HDAC9: variants seen among roughly 807,000 people sequenced by gnomAD.
HDAC9 encodes MEF-2 interacting transcription repressor (MITR) protein.
Under a neutral mutation model 139.4 loss-of-function variants are expected in HDAC9, and 41 were observed. The ratio of observed to expected loss-of-function variants is 0.29; its 90% CI spans 0.23 to 0.38. The LOEUF is 0.38. HDAC9 is among the 10% of genes least tolerant of loss of function. The pLI, the probability that HDAC9 is intolerant of heterozygous loss-of-function variation, is 1.00. For synonymous variants in HDAC9, 517 were observed against 476.2 expected (o/e 1.09, Z -1.12); for missense variants, 1,147 against 1,297.0 (o/e 0.88, Z 1.78).
At chr7:18,307,980 A>G (rs1410431639) in intron 1 of HDAC9, among the ~76,000 whole-genome samples, 1 of 152,242 alleles carries the variant, frequency 6.6e-6, no homozygotes, top group Non-Finnish European at 1.5e-5. Context: ...TTTCCAGGAA[A>G]TGAAAATACT....
At chr7:18,281,057 T>C (rs1797073549) in intron 2 of HDAC9, among the ~76,000 whole-genome samples, 1 of 152,174 alleles carries the variant, frequency 6.6e-6, no homozygotes, top group South Asian at 2.1e-4. Context: ...CCTTGACACT[T>C]TACTTTTGGG....
chr7:18,855,927 T>C (rs1797641628), intron 21 of HDAC9, among the ~76,000 whole-genome samples: 2 of 152,068 alleles, frequency 1.3e-5, no homozygotes, highest in Non-Finnish European at 2.9e-5. Context: ...AGGAGCAAAA[T>C]AATTGTAAGC....
intron 1 of HDAC9, among the ~76,000 whole-genome samples, chr7:18,088,775 A>C (rs1781957588): frequency 6.6e-6 from 1 of 152,218 alleles, no homozygotes; most frequent in Non-Finnish European, 1.5e-5. Context: ...GGACCAATTT[A>C]ATTCCCCAAA....
chr7:18,957,133 A>G (rs963075040), intron 24 of HDAC9, among the ~76,000 whole-genome samples: 2 of 152,176 alleles, frequency 1.3e-5, no homozygotes, highest in African/African-American at 4.8e-5. Context: ...GTAAAAGGAA[A>G]GAAAACACAA....
At chr7:18,731,823 T>A (rs1252420707) in intron 13 of HDAC9, among the ~76,000 whole-genome samples, 1 of 151,918 alleles carries the variant, frequency 6.6e-6, no homozygotes, top group African/African-American at 2.4e-5. Flanking sequence ...ACGGGGTTTC[T>A]CCATGTTGGT....
intron 23 of HDAC9, among the ~76,000 whole-genome samples, chr7:18,946,036 C>CAAAATAAAAAAA (rs1563077235): frequency 2.6e-4 from 10 of 38,278 alleles, no homozygotes; most frequent in South Asian, 1.9e-3. Flanking sequence ...GACTCCGTCT[C>CAAAATAAAAAAA]AAAAAAAAAA....
Position 18,958,782 on chromosome 7 carries a change from T to A in HDAC9, c.3022+4552T>A, listed in dbSNP as rs569969708. 2.0e-5 allele frequency among the ~76,000 whole-genome samples: 3 copies of A among 152,270 alleles called. No homozygotes were observed. In the South Asian group the frequency reaches 6.2e-4, roughly 32 times the overall value. On this transcript the variant is annotated intron_variant, in intron 24 of 25. Coordinates refer to ENST00000686413, the MANE Select transcript of HDAC9 (RefSeq NM_178425.4). ...CACATATTTATACTCCTTGGCACAC[T>A]CATGCAGAATGAGGGATTAAGAAGA...
chr7:18,784,671 A>G (rs1791543684), intron 16 of HDAC9, among the ~76,000 whole-genome samples: 1 of 152,024 alleles, frequency 6.6e-6, no homozygotes, highest in Admixed American at 6.6e-5. Flanking sequence ...CTTAACTCAC[A>G]GTGGAATAAA....
At chr7:18,134,260 C>G (rs907462979) in intron 1 of HDAC9, among the ~76,000 whole-genome samples, 1 of 152,054 alleles carries the variant, frequency 6.6e-6, no homozygotes, top group African/African-American at 2.4e-5. Flanking sequence ...CAAGTATATA[C>G]CTGCTTTATT....
At chr7:18,615,923 T>G (rs1838453636) in intron 6 of HDAC9, among the ~76,000 whole-genome samples, 1 of 152,232 alleles carries the variant, frequency 6.6e-6, no homozygotes, top group Admixed American at 6.5e-5. Context: ...CAAAATGGCT[T>G]TGCCTGGGCT....
intron 1 of HDAC9, among the ~76,000 whole-genome samples, chr7:18,355,535 C>T (rs1279046742): frequency 6.6e-6 from 1 of 151,970 alleles, no homozygotes; most frequent in African/African-American, 2.4e-5. Context: ...TTTATAAAAC[C>T]TTGGGATGTG....
chr7:18,876,528 T>C (rs940929423), intron 22 of HDAC9, among the ~76,000 whole-genome samples: 1 of 152,174 alleles, frequency 6.6e-6, no homozygotes, highest in Non-Finnish European at 1.5e-5. Flanking sequence ...CAGATTGTAG[T>C]TGAAACTCTT....
At chr7:18,411,816 G>GTTTTTTTTTT (rs1280818174) in intron 1 of HDAC9, among the ~76,000 whole-genome samples, 5 of 89,416 alleles carry the variant, frequency 5.6e-5, no homozygotes, top group African/African-American at 7.9e-5. Flanking sequence ...ATTTCAACTT[G>GTTTTTTTTTT]CTTTTTTTTT....
At chr7:18,797,971 T>G (rs988275887) in intron 17 of HDAC9, among the ~76,000 whole-genome samples, 15 of 148,450 alleles carry the variant, frequency 1.0e-4, no homozygotes, top group Admixed American at 2.7e-4. Context: ...CATGTGGAGA[T>G]ATATATATAT....
At chr7:18,922,308 CTA>C (rs1563058020) in intron 22 of HDAC9, among the ~76,000 whole-genome samples, 2 of 152,010 alleles carry the variant, frequency 1.3e-5, no homozygotes, top group African/African-American at 2.4e-5. Flanking sequence ...TTTTTAAATT[CTA>C]TATGTTTTCT....
chr7:18,258,810 T>C (rs1316250718), intron 2 of HDAC9, among the ~76,000 whole-genome samples: 1 of 152,196 alleles, frequency 6.6e-6, no homozygotes, highest in Non-Finnish European at 1.5e-5. Context: ...GTAGCTTCTC[T>C]ATTCAACTCC....
intron 21 of HDAC9, among the ~76,000 whole-genome samples, chr7:18,841,948 T>G (rs972655528): frequency 6.6e-6 from 1 of 152,128 alleles, no homozygotes; most frequent in Non-Finnish European, 1.5e-5. Context: ...TCTTCTTATG[T>G]ATGCATTTAG....
rs532398810 is a variant in HDAC9 at position 18,901,585 on chromosome 7, A to T, written c.2803+26989A>T. Among the ~76,000 whole-genome samples, 5 of 152,280 alleles carry T rather than the reference A, an allele frequency of 3.3e-5. No individual in the cohort carries two copies. In the East Asian group the frequency reaches 7.7e-4, roughly 24 times the overall value. Reference sequence around the variant, plus strand: ...AACAAATGAATCTCTATGATTATGGAGAGTGACCAAATTAACCACATAATT... The same window carrying T: ...AACAAATGAATCTCTATGATTATGGTGAGTGACCAAATTAACCACATAATT... On this transcript the variant is annotated intron_variant, in intron 22 of 25. Coordinates refer to ENST00000686413, the MANE Select transcript of HDAC9 (RefSeq NM_178425.4).
intron 1 of HDAC9, among the ~76,000 whole-genome samples, chr7:18,407,014 T>C (rs1788072777): frequency 1.3e-5 from 2 of 152,208 alleles, no homozygotes; most frequent in Admixed American, 6.5e-5. Flanking sequence ...AATATGTCTA[T>C]AAGCAATTAA....
Sources: allele counts gnomAD v4.1 joint callset (sites outside exome capture counted in the v4.1 genomes callset), GRCh38; gene constraint gnomAD v4.1.1; transcripts MANE v1.5; gene names NCBI Gene and HGNC (gene_info 2026-07-23, HGNC 2026-07-21).